UNC5B: variants seen among roughly 807,000 people sequenced by gnomAD.
UNC5B encodes the protein unc-5 netrin receptor B, also known as netrin receptor UNC5B.
Under a neutral mutation model 103.7 loss-of-function variants are expected in UNC5B, and 56 were observed. That is an observed-to-expected ratio of 0.54 (90% CI 0.44 to 0.67). The LOEUF is 0.67. Among genes scored for constraint, UNC5B ranks in the 30% least tolerant of loss-of-function variants. UNC5B has a pLI of 0.00. For missense variants in UNC5B, 1,194 were observed against 1,284.5 expected (o/e 0.93, Z 1.08); for synonymous variants, 577 against 542.0 (o/e 1.06, Z -0.90).
At chr10:71,270,181 G>T (rs1844609733) in intron 1 of UNC5B, among the ~76,000 whole-genome samples, 1 of 151,976 alleles carries the variant, frequency 6.6e-6, no homozygotes, top group African/African-American at 2.4e-5. Flanking sequence ...GAAACCCCGT[G>T]TCTACTAAAG....
intron 1 of UNC5B, among the ~76,000 whole-genome samples, chr10:71,260,608 T>C (rs770935503): frequency 1.3e-5 from 2 of 152,214 alleles, no homozygotes; most frequent in African/African-American, 4.8e-5. Flanking sequence ...CACCCTGTTA[T>C]CGTCACTGTG....
At chr10:71,269,416 C>T (rs1040356361) in intron 1 of UNC5B, among the ~76,000 whole-genome samples, 3 of 141,456 alleles carry the variant, frequency 2.1e-5, no homozygotes, top group Non-Finnish European at 4.6e-5. Context: ...TGCTCAGGTG[C>T]TGTGTGATCT....
intron 1 of UNC5B, among the ~76,000 whole-genome samples, chr10:71,237,824 T>A (rs1843807469): frequency 6.6e-6 from 1 of 152,162 alleles, no homozygotes; most frequent in Admixed American, 6.5e-5. Context: ...TTAAGGCAAG[T>A]GGAAATGGTA....
intron 1 of UNC5B, among the ~76,000 whole-genome samples, chr10:71,263,768 T>C (rs1844466068): frequency 6.6e-6 from 1 of 152,040 alleles, no homozygotes; most frequent in Non-Finnish European, 1.5e-5. Context: ...GAGAAGCAAA[T>C]GACCATCCCC....
At chr10:71,224,364 GACACACAC>G (rs58378731) in intron 1 of UNC5B, among the ~76,000 whole-genome samples, 12,631 of 97,188 alleles carry the variant, frequency 0.13, 1,154 homozygotes, top group East Asian at 0.36. Flanking sequence ...TCTGTATGTA[GACACACAC>G]ACACACACAC....
chr10:71,260,418 C>G (rs1483042369), intron 1 of UNC5B, among the ~76,000 whole-genome samples: 1 of 152,244 alleles, frequency 6.6e-6, no homozygotes, highest in Non-Finnish European at 1.5e-5. Context: ...CGCTGGCTAG[C>G]TGCCTTGTTT....
intron 1 of UNC5B, among the ~76,000 whole-genome samples, chr10:71,248,237 C>T (rs979678496): frequency 6.6e-6 from 1 of 152,132 alleles, no homozygotes; most frequent in Non-Finnish European, 1.5e-5. Flanking sequence ...GTTGAGCTCC[C>T]CCCACTTGCT....
intron 1 of UNC5B, among the ~76,000 whole-genome samples, chr10:71,246,816 G>T (rs1005566928): frequency 6.6e-6 from 1 of 152,214 alleles, no homozygotes; most frequent in Non-Finnish European, 1.5e-5. Flanking sequence ...AGGCCAGAGA[G>T]GGGAGCAGAG....
chr10:71,244,778 G>A (rs1843985733), intron 1 of UNC5B, among the ~76,000 whole-genome samples: 1 of 152,226 alleles, frequency 6.6e-6, no homozygotes, highest in Non-Finnish European at 1.5e-5. Flanking sequence ...GACACCCTGT[G>A]TGCATGCATG....
chr10:71,268,551 C>T (rs1299903626), intron 1 of UNC5B, among the ~76,000 whole-genome samples: 1 of 152,232 alleles, frequency 6.6e-6, no homozygotes, highest in Non-Finnish European at 1.5e-5. Context: ...AGGATCTGAG[C>T]TGCCTCCTGG....
At chr10:71,283,946 A>G (rs1844996155) in intron 2 of UNC5B, among the ~76,000 whole-genome samples, 1 of 152,172 alleles carries the variant, frequency 6.6e-6, no homozygotes, top group South Asian at 2.1e-4. Flanking sequence ...TTCTGTGCCA[A>G]GCCCTGGGCC....
chr10:71,268,848 C>G (rs930361069), intron 1 of UNC5B, among the ~76,000 whole-genome samples: 9 of 152,172 alleles, frequency 5.9e-5, no homozygotes, highest in African/African-American at 2.2e-4. Flanking sequence ...GAGAAAGTGA[C>G]AGGACACTGG....
chr10:71,227,703 C>CATATATATACACATATAT (rs1382854607), intron 1 of UNC5B, among the ~76,000 whole-genome samples: 37 of 111,468 alleles, frequency 3.3e-4, no homozygotes, highest in African/African-American at 1.4e-3. Context: ...TATATACACA[C>CATATATATACACATATAT]ATATACACAC....
chr10:71,249,370 T>G (rs1844121897), intron 1 of UNC5B, among the ~76,000 whole-genome samples: 1 of 152,206 alleles, frequency 6.6e-6, no homozygotes, highest in African/African-American at 2.4e-5. Flanking sequence ...CCCTCAAAAC[T>G]TGGCCCAGCT....
intron 1 of UNC5B, among the ~76,000 whole-genome samples, chr10:71,224,487 A>G (rs1309912195): frequency 1.3e-5 from 2 of 152,134 alleles, no homozygotes; most frequent in Non-Finnish European, 2.9e-5. Flanking sequence ...TTTTTTGGAA[A>G]TAAAAAACTG....
At chr10:71,278,271 C>T (rs560583284) in intron 1 of UNC5B, among the ~76,000 whole-genome samples, 11 of 152,316 alleles carry the variant, frequency 7.2e-5, no homozygotes, top group Admixed American at 1.3e-4. Flanking sequence ...TACTGTGTGC[C>T]AGGCACCGCC....
intron 1 of UNC5B, among the ~76,000 whole-genome samples, chr10:71,257,346 G>T (rs186288229): frequency 6.6e-6 from 1 of 152,370 alleles, no homozygotes; most frequent in Non-Finnish European, 1.5e-5. Context: ...GGGAAGTTCA[G>T]GTTGAGAGAA....
intron 1 of UNC5B, among the ~76,000 whole-genome samples, chr10:71,236,414 C>T (rs1269114855): frequency 6.6e-6 from 1 of 152,214 alleles, no homozygotes; most frequent in Admixed American, 6.5e-5. Context: ...TTTTTTATGG[C>T]TTCCTGGCCC....
In UNC5B at chr10:71,212,901, GCGGCGGCGGCGGAGA is replaced by G. The variant is rs904550059; in HGVS notation, c.-73_-59del. 4.7e-6 allele frequency: 5 copies of G among 1,054,438 alleles called. No individual in the cohort carries two copies. Among genetic ancestry groups the G allele is most frequent in the South Asian group, 4.5e-5 (1 of 22,306 alleles). 65.3% of individuals were successfully genotyped at this position (1,054,438 alleles called of 1,614,324 possible). On this transcript the variant is annotated 5_prime_UTR_variant, in exon 1 of 17. Coordinates refer to ENST00000335350, the MANE Select transcript of UNC5B (RefSeq NM_170744.5). ...CGCCGGGGAGGACGGCGAGGAGGAG[GCGGCGGCGGCGGAGA>G]CGGCGGCGGCGAGACTGGGGCCAGG... is the stretch of plus-strand genomic sequence containing the variant.
Sources: gnomAD v4.1 joint callset for allele counts (sites outside exome capture counted in the v4.1 genomes callset) on GRCh38, gnomAD v4.1.1 for gene constraint, MANE v1.5 for transcripts, NCBI Gene and HGNC (gene_info 2026-07-23, HGNC 2026-07-21) for gene names.